COLGALT2: variants seen among roughly 807,000 people sequenced by gnomAD.
COLGALT2 encodes collagen beta(1-O)galactosyltransferase 2.
In COLGALT2, 49 loss-of-function variants were observed where a neutral mutation model predicts 73.4. The ratio of observed to expected loss-of-function variants is 0.67; its 90% CI spans 0.53 to 0.85. The LOEUF (loss-of-function observed/expected upper bound fraction) is 0.85. Among genes scored for constraint, COLGALT2 ranks in the 40% least tolerant of loss-of-function variants. COLGALT2 has a pLI of 0.00. For missense variants in COLGALT2, 722 were observed against 790.2 expected (o/e 0.91, Z 1.03); for synonymous variants, 295 against 307.6 (o/e 0.96, Z 0.43).
At chr1:184,021,551 A>G (rs1386348722) in intron 1 of COLGALT2, among the ~76,000 whole-genome samples, 2 of 152,170 alleles carry the variant, frequency 1.3e-5, no homozygotes, top group Non-Finnish European at 2.9e-5. Context: ...TGTAGCAAAA[A>G]GGCCGTCGCC....
rs1268129740 is a variant in COLGALT2, at chr1:183,937,393, G to A, written c.*1368C>T. The stretch of plus-strand genomic sequence containing the variant: ...AGATTGTGGAGTGGGAAGAAATCGT[G>A]TAGTCCAACTCTGCATTTTACATAA... On this transcript the variant is annotated 3_prime_UTR_variant, in exon 12 of 12. Transcript: ENST00000361927. 2.0e-6 allele frequency: 2 copies of A among 994,644 alleles called. No individual in the cohort carries two copies. Among genetic ancestry groups the A allele is most frequent in the African/African-American group, 1.7e-5 (1 of 57,668 alleles). The allele number at this position is 994,644 out of a possible 1,614,324, so 61.6% of individuals were successfully genotyped here.
At chr1:183,959,517 T>G (rs1670639705) in intron 6 of COLGALT2, among the ~76,000 whole-genome samples, 1 of 152,172 alleles carries the variant, frequency 6.6e-6, no homozygotes, top group Admixed American at 6.5e-5. Context: ...TGGACTGCAT[T>G]CAGGTCTCTG....
chr1:183,998,770 G>C (rs1435817915), intron 1 of COLGALT2, among the ~76,000 whole-genome samples: 1 of 151,694 alleles, frequency 6.6e-6, no homozygotes, highest in East Asian at 1.9e-4. Context: ...TTTTCATAAA[G>C]ATATTATTTT....
chr1:183,986,430 A>G (rs1012455251), intron 1 of COLGALT2, among the ~76,000 whole-genome samples: 60 of 152,304 alleles, frequency 3.9e-4, no homozygotes, highest in African/African-American at 1.4e-3. Flanking sequence ...CCCAGAAACA[A>G]TCATAGACAC....
intron 1 of COLGALT2, among the ~76,000 whole-genome samples, chr1:184,002,013 A>G (rs1463817670): frequency 6.6e-6 from 1 of 152,220 alleles, no homozygotes; most frequent in Non-Finnish European, 1.5e-5. Context: ...CCCTCTAGCT[A>G]TGCCACCCCT....
intron 1 of COLGALT2, among the ~76,000 whole-genome samples, chr1:184,009,797 A>G (rs972910797): frequency 6.6e-6 from 1 of 152,222 alleles, no homozygotes; most frequent in Non-Finnish European, 1.5e-5. Context: ...ATGGTATTTT[A>G]AAAATCTGAC....
chr1:184,002,644 G>A (rs1189508076), intron 1 of COLGALT2, among the ~76,000 whole-genome samples: 1 of 152,184 alleles, frequency 6.6e-6, no homozygotes, highest in Non-Finnish European at 1.5e-5. Flanking sequence ...TATTTTGGCT[G>A]ATAAATGCTG....
In COLGALT2 at chr1:183,936,782, T is replaced by G; in HGVS notation, c.*1979A>C. The G allele has an allele frequency of 4.9e-6, 6 of 1,231,554 alleles. No homozygotes were observed. Among genetic ancestry groups the G allele is most frequent in the Non-Finnish European group, 6.1e-6 (6 of 987,958 alleles). 76.3% of individuals were successfully genotyped at this position (1,231,554 alleles called of 1,614,324 possible). A position where few individuals can be genotyped will look rare whatever the true frequency, so the allele number is the denominator to read the frequency against. Reference sequence around the variant, plus strand: ...AAAGGAAGTCACACTGACAGCTAAGTCTAAGCGGCACAATTTAGAGTTGGG... The same window carrying G: ...AAAGGAAGTCACACTGACAGCTAAGGCTAAGCGGCACAATTTAGAGTTGGG... On this transcript the variant is annotated 3_prime_UTR_variant, in exon 12 of 12. Transcript: ENST00000361927.
intron 1 of COLGALT2, among the ~76,000 whole-genome samples, chr1:184,015,944 T>C (rs1320230279): frequency 6.6e-6 from 1 of 152,246 alleles, no homozygotes; most frequent in Non-Finnish European, 1.5e-5. Context: ...CACTATTAGC[T>C]TTAGTGAATA....
intron 8 of COLGALT2, 73 bp downstream of exon 8, chr1:183,950,934 G>A (rs1479223838): frequency 1.3e-5 from 15 of 1,121,180 alleles, no homozygotes; most frequent in African/African-American, 1.5e-5. Flanking sequence ...CCCCACCTGG[G>A]ACTAACTCTC....
intron 1 of COLGALT2, among the ~76,000 whole-genome samples, chr1:184,019,459 C>G (rs1649108687): frequency 6.6e-6 from 1 of 152,338 alleles, no homozygotes; most frequent in Admixed American, 6.5e-5. Context: ...ACAAAGTTCT[C>G]TGTTATGTTA....
chr1:183,954,722 C>A, intron 7 of COLGALT2, 40 bp downstream of exon 7: 1 of 1,473,060 alleles, frequency 6.8e-7, no homozygotes, highest in Admixed American at 1.7e-5. Context: ...CAAGCCTGCA[C>A]ACGCGTGCAT....
chr1:183,943,350 C>T (rs193251241), intron 10 of COLGALT2, among the ~76,000 whole-genome samples: 72 of 152,282 alleles, frequency 4.7e-4, no homozygotes, highest in Admixed American at 1.5e-3. Flanking sequence ...TTGCCTTTGA[C>T]ACACAGCTGG....
In COLGALT2 at chr1:183,936,793, C is replaced by A. The variant is rs1242366324; in HGVS notation, c.*1968G>T. The A allele has an allele frequency of 3.2e-6, 4 of 1,231,590 alleles. No homozygotes were observed. Among genetic ancestry groups the A allele is most frequent in the Non-Finnish European group, 4.0e-6 (4 of 987,954 alleles). The allele number at this position is 1,231,590 out of a possible 1,614,324, so 76.3% of individuals were successfully genotyped here. On this transcript the variant is annotated 3_prime_UTR_variant, in exon 12 of 12. Coordinates refer to ENST00000361927, the MANE Select transcript of COLGALT2 (RefSeq NM_015101.4). ...CACTGACAGCTAAGTCTAAGCGGCA[C>A]AATTTAGAGTTGGGTGAGTTCCCTT...
intron 5 of COLGALT2, among the ~76,000 whole-genome samples, chr1:183,966,154 A>G (rs1042771156): frequency 1.3e-5 from 2 of 152,216 alleles, no homozygotes; most frequent in Non-Finnish European, 2.9e-5. Flanking sequence ...ACCATGGGGA[A>G]CTATATGAAT....
intron 1 of COLGALT2, among the ~76,000 whole-genome samples, chr1:183,995,876 C>T (rs1295945084): frequency 6.6e-6 from 1 of 151,842 alleles, no homozygotes; most frequent in Non-Finnish European, 1.5e-5. Context: ...TTACGTATAC[C>T]CCATTTTATT....
chr1:183,949,012 A>G (rs756319040), intron 8 of COLGALT2, among the ~76,000 whole-genome samples: 24 of 152,350 alleles, frequency 1.6e-4, no homozygotes, highest in Non-Finnish European at 2.9e-4. Context: ...AATACTTAGG[A>G]GTATATTTAA....
intron 1 of COLGALT2, among the ~76,000 whole-genome samples, chr1:184,032,349 CATT>C (rs1239120348): frequency 3.9e-5 from 6 of 152,156 alleles, no homozygotes; most frequent in African/African-American, 1.4e-4. Flanking sequence ...TAGCAACTAT[CATT>C]GTTAGTAGCA....
chr1:183,989,562 A>G (rs1372454706), intron 1 of COLGALT2, among the ~76,000 whole-genome samples: 1 of 152,232 alleles, frequency 6.6e-6, no homozygotes, highest in African/African-American at 2.4e-5. Flanking sequence ...ACTGGGAGAA[A>G]GCTGAAGGAA....
Sources: gnomAD v4.1 joint callset for allele counts (sites outside exome capture counted in the v4.1 genomes callset) on GRCh38, gnomAD v4.1.1 for gene constraint, MANE v1.5 for transcripts, NCBI Gene and HGNC (gene_info 2026-07-23, HGNC 2026-07-21) for gene names.